The following PMFBP1 variants were observed in gnomAD, a reference collection of about 807,000 sequenced individuals.
The protein encoded by PMFBP1 is polyamine-modulated factor 1-binding protein 1.
PMFBP1 carries 131 observed loss-of-function variants against 137.8 expected under a neutral mutation model. That is an observed-to-expected ratio of 0.95 (90% confidence interval 0.82 to 1.10). PMFBP1 has a LOEUF of 1.10. Among genes scored for constraint, PMFBP1 ranks in the 50% least tolerant of loss-of-function variants. The pLI is 0.00. For missense variants in PMFBP1, 1,199 were observed against 1,175.4 expected, an observed-to-expected ratio of 1.02 and a Z score of -0.29; for synonymous variants, 490 against 450.4, an observed-to-expected ratio of 1.09 and a Z score of -1.11.
chr16:72,123,027 C>T, intron 18 of PMFBP1, 39 bp from the exon 19 acceptor site: 3 of 1,578,158 alleles, frequency 1.9e-6, no homozygotes, highest in Non-Finnish European at 2.6e-6. Context: ...AGCCAGTCGC[C>T]AGCCTCCCGC....
chr16:72,233,924 T>C, the PMFBP1 span, among the ~76,000 whole-genome samples: 3 of 152,188 alleles, frequency 2.0e-5, no homozygotes, highest in Admixed American at 6.6e-5. Context: ...TTCATTCTTT[T>C]TGATGGCCAA....
upstream of PMFBP1, chr16:72,172,172 T>C (rs1159314544): frequency 6.6e-6 from 1 of 152,126 alleles, no homozygotes; most frequent in Non-Finnish European, 1.5e-5. Flanking sequence ...ATGTGGAATC[T>C]GGAATGTTTT....
chr16:72,136,524 G>A lies in PMFBP1; in HGVS notation c.1127C>T (p.Thr376Ile). 6.2e-7 allele frequency: 1 copy of A among 1,614,050 alleles called. No homozygotes were observed. The highest frequency in any genetic ancestry group is 8.5e-7 in the Non-Finnish European group (1 of 1,180,002). ...AHIERKDKDI[T>I]ILQCRLQELQ... Reference sequence around the variant, plus strand: ...CTCCTGCAGCCGGCACTGCAGGATGGTGATGTCCTTATCCTTCCTCTCAAT... The same window carrying A: ...CTCCTGCAGCCGGCACTGCAGGATGATGATGTCCTTATCCTTCCTCTCAAT... Residue 376 changes from threonine to isoleucine, a missense_variant, in exon 9 of 21, where the codon ACC becomes ATC. By Grantham distance (89) the Thr-to-Ile change is moderately conservative. Transcript: ENST00000237353.
chr16:72,128,746 C>A lies in PMFBP1; in HGVS notation c.1999G>T (p.Ala667Ser). The A allele has an allele frequency of 6.2e-7, 1 of 1,614,128 alleles. No homozygotes were observed. Among genetic ancestry groups the A allele is most frequent in the Non-Finnish European group, 8.5e-7 (1 of 1,180,028 alleles). ...KLEEENENLR[A>S]ELQCCSTQLE... is the part of the protein sequence containing the mutation. ...TGTGTAGAACAACACTGTAGCTCTG[C>A]TCGGAGATTCTCATTTTCTTCCTCC... Residue 667 changes from alanine to serine, a missense_variant, in exon 14 of 21, where the codon GCA becomes TCA. Physicochemically the swap from Ala to Ser is moderately conservative, Grantham distance 99. Transcript: ENST00000237353.
At chr16:72,123,083 G>T in intron 18 of PMFBP1, 95 bp from the exon 19 acceptor site, 1 of 1,110,636 alleles carries the variant, frequency 9.0e-7, no homozygotes, top group Non-Finnish European at 1.3e-6. Flanking sequence ...TTCTCAGCAA[G>T]ACTGCTGCTG....
intron 5 of PMFBP1, among the ~76,000 whole-genome samples, chr16:72,148,928 C>G (rs1188923667): frequency 1.3e-5 from 2 of 152,216 alleles, no homozygotes; most frequent in African/African-American, 4.8e-5. Context: ...CTGATGATGA[C>G]ATGGAGGCTT....
At chr16:72,128,963 C>T in intron 13 of PMFBP1, 103 bp downstream of exon 13, 2 of 1,526,116 alleles carry the variant, frequency 1.3e-6, no homozygotes, top group Admixed American at 4.1e-5. Flanking sequence ...CCCGTCTTTC[C>T]TAAGCTCTGA....
the PMFBP1 span, among the ~76,000 whole-genome samples, chr16:72,239,179 AAAC>A: frequency 2.6e-5 from 4 of 152,206 alleles, no homozygotes; most frequent in Admixed American, 2.0e-4. Context: ...CTCTAAGCAA[AAAC>A]AACGATAACA....
At chr16:72,233,442 T>C in the PMFBP1 span, among the ~76,000 whole-genome samples, 3 of 152,186 alleles carry the variant, frequency 2.0e-5, no homozygotes, top group Non-Finnish European at 4.4e-5. Context: ...TGAACAAATA[T>C]GCAACAGATA....
chr16:72,135,771 G>T (rs2144317313), intron 9 of PMFBP1, among the ~76,000 whole-genome samples: 1 of 115,806 alleles, frequency 8.6e-6, no homozygotes, highest in African/African-American at 3.5e-5. Flanking sequence ...TTTTGAGACA[G>T]GGTCTCATTC....
At chr16:72,183,682 T>TG in the PMFBP1 span, among the ~76,000 whole-genome samples, 1 of 151,968 alleles carries the variant, frequency 6.6e-6, no homozygotes, top group Non-Finnish European at 1.5e-5. Context: ...TGAATTGGGG[T>TG]GGGGGCAACA....
At chr16:72,239,012 A>C in the PMFBP1 span, among the ~76,000 whole-genome samples, 10 of 151,944 alleles carry the variant, frequency 6.6e-5, no homozygotes, top group Non-Finnish European at 1.2e-4. Flanking sequence ...AAATATACCC[A>C]AAAAAACAAA....
chr16:72,247,714 A>G, the PMFBP1 span, among the ~76,000 whole-genome samples: 1 of 152,174 alleles, frequency 6.6e-6, no homozygotes, highest in South Asian at 2.1e-4. Flanking sequence ...TTTTGCTCAT[A>G]TTCATATAAT....
chr16:72,249,387 G>A, the PMFBP1 span, among the ~76,000 whole-genome samples: 4 of 150,804 alleles, frequency 2.7e-5, no homozygotes, highest in Admixed American at 1.3e-4. Context: ...AAAAAGTATT[G>A]TATGTGTGAA....
intron 5 of PMFBP1, among the ~76,000 whole-genome samples, chr16:72,144,423 G>C (rs1288119344): frequency 6.6e-6 from 1 of 152,104 alleles, no homozygotes; most frequent in Non-Finnish European, 1.5e-5. Context: ...ACTGGCACAC[G>C]AACTGGCAGA....
intron 4 of PMFBP1, among the ~76,000 whole-genome samples, 194 bp downstream of exon 4, chr16:72,154,017 G>A (rs772846057): frequency 2.0e-5 from 3 of 150,560 alleles, no homozygotes; most frequent in Non-Finnish European, 4.4e-5. Context: ...AGCTTTCACC[G>A]AGTTATGCCA....
chr16:72,148,183 T>C (rs1328075514), intron 5 of PMFBP1, among the ~76,000 whole-genome samples: 1 of 152,140 alleles, frequency 6.6e-6, no homozygotes, highest in African/African-American at 2.4e-5. Flanking sequence ...TGGAATACTA[T>C]GCAGCCATAA....
At chr16:72,145,429 G>C (rs2042790543) in intron 5 of PMFBP1, among the ~76,000 whole-genome samples, 2 of 152,168 alleles carry the variant, frequency 1.3e-5, no homozygotes, top group South Asian at 4.1e-4. Flanking sequence ...GAGAAAGCAA[G>C]AAAGATCTGA....
the PMFBP1 span, among the ~76,000 whole-genome samples, chr16:72,221,879 A>G: frequency 6.6e-6 from 1 of 152,202 alleles, no homozygotes; most frequent in African/African-American, 2.4e-5. Flanking sequence ...TGTATCAGTG[A>G]TGACCACATG....
Sources: gnomAD v4.1 joint callset for allele counts (sites outside exome capture counted in the v4.1 genomes callset) on GRCh38, gnomAD v4.1.1 for gene constraint, MANE v1.5 for transcripts, NCBI Gene and HGNC (gene_info 2026-07-23, HGNC 2026-07-21) for gene names.